The following KAZN variants were observed in gnomAD, a reference collection of about 807,000 sequenced individuals.
KAZN encodes the protein kazrin.
Under a neutral mutation model 87.4 loss-of-function variants are expected in KAZN, and 40 were observed. The observed-to-expected ratio is 0.46, with a 90% CI of 0.36 to 0.60. The LOEUF is 0.60. KAZN is among the 20% of genes least tolerant of loss of function. The pLI is 0.00. For missense variants in KAZN, 898 were observed against 1,073.9 expected, an observed-to-expected ratio of 0.84 and a Z score of 2.29; for synonymous variants, 466 against 458.3, an observed-to-expected ratio of 1.02 and a Z score of -0.22.
chr1:14,595,726 G>A (rs1676464289), upstream of KAZN, among the ~76,000 whole-genome samples: 1 of 150,476 alleles, frequency 6.6e-6, no homozygotes, highest in Non-Finnish European at 1.5e-5. Context: ...AAAAAAGAAA[G>A]GTAGACCTTT....
At chr1:14,049,437 G>A (rs909575957) in intron 1 of KAZN, among the ~76,000 whole-genome samples, 5 of 152,124 alleles carry the variant, frequency 3.3e-5, no homozygotes, top group Admixed American at 1.3e-4. Context: ...TGCACGTTGT[G>A]CACATGTACC....
chr1:13,999,174 T>G (rs1017261166), intron 1 of KAZN, among the ~76,000 whole-genome samples: 9 of 151,852 alleles, frequency 5.9e-5, no homozygotes, highest in African/African-American at 2.2e-4. Context: ...ATAGTGAAAC[T>G]CCATCTCTGC....
intron 13 of KAZN, among the ~76,000 whole-genome samples, chr1:15,110,070 T>C (rs1185265513): frequency 5.0e-4 from 1 of 2,020 alleles, no homozygotes; most frequent in East Asian, 0.071. Context: ...TGTGTGCCTG[T>C]GTGTGTATGT....
intron 1 of KAZN, among the ~76,000 whole-genome samples, chr1:14,128,899 A>G (rs1644931470): frequency 6.6e-6 from 1 of 152,184 alleles, no homozygotes. Flanking sequence ...TTTGGTTCAT[A>G]AAGCCCCGGT....
chr1:14,541,050 G>A (rs777408341), intron 2 of KAZN, among the ~76,000 whole-genome samples: 3 of 152,018 alleles, frequency 2.0e-5, no homozygotes, highest in South Asian at 2.1e-4. Context: ...AACAGACCCC[G>A]GCACAAATAT....
intron 2 of KAZN, among the ~76,000 whole-genome samples, chr1:14,421,560 G>A (rs16850229): frequency 0.032 from 4,821 of 152,208 alleles, 248 homozygotes; most frequent in African/African-American, 0.11. Context: ...GTGATTCTGA[G>A]ACATTGTGGG....
At chr1:14,567,211 G>A (rs1352003768) in intron 2 of KAZN, among the ~76,000 whole-genome samples, 1 of 152,128 alleles carries the variant, frequency 6.6e-6, no homozygotes, top group East Asian at 1.9e-4. Flanking sequence ...CAATATTGCT[G>A]TGGCTCAGGG....
At chr1:14,639,497 C>A (rs1680261411) in intron 1 of KAZN, among the ~76,000 whole-genome samples, 1 of 152,094 alleles carries the variant, frequency 6.6e-6, no homozygotes, top group Admixed American at 6.5e-5. Flanking sequence ...GGGACCATGG[C>A]CATAGACCTG....
At chr1:13,961,693 G>C (rs375450880) in intron 1 of KAZN, among the ~76,000 whole-genome samples, 9 of 152,268 alleles carry the variant, frequency 5.9e-5, no homozygotes, top group African/African-American at 2.2e-4. Context: ...CTTTGTTATA[G>C]TAGCCCACAG....
chr1:14,528,655 G>A (rs191630594), intron 2 of KAZN, among the ~76,000 whole-genome samples: 11 of 150,498 alleles, frequency 7.3e-5, no homozygotes, highest in African/African-American at 2.2e-4. Flanking sequence ...AGGTTGAAAC[G>A]GGAAGATCGC....
chr1:14,617,428 G>C (rs569545687), intron 1 of KAZN, among the ~76,000 whole-genome samples: 66 of 152,286 alleles, frequency 4.3e-4, no homozygotes, highest in African/African-American at 1.5e-3. Context: ...GCCAGAACAT[G>C]CTTTTGGGAA....
chr1:14,712,068 G>T (rs1316087657), intron 1 of KAZN, among the ~76,000 whole-genome samples: 1 of 152,208 alleles, frequency 6.6e-6, no homozygotes, highest in Non-Finnish European at 1.5e-5. Context: ...GGGAAGAAGA[G>T]TAGGGGATAA....
chr1:14,058,674 G>A (rs1344501064), intron 1 of KAZN, among the ~76,000 whole-genome samples: 1 of 152,174 alleles, frequency 6.6e-6, no homozygotes, highest in Admixed American at 6.5e-5. Context: ...GCAGCATTAT[G>A]TAAAACAAAT....
intron 2 of KAZN, among the ~76,000 whole-genome samples, chr1:15,034,516 C>T (rs1672056336): frequency 6.6e-6 from 1 of 152,178 alleles, no homozygotes; most frequent in Admixed American, 6.5e-5. Flanking sequence ...GCTCCCTGGT[C>T]AGATTGACAC....
intron 1 of KAZN, among the ~76,000 whole-genome samples, chr1:14,747,769 T>C (rs1225619837): frequency 6.6e-6 from 1 of 152,202 alleles, no homozygotes; most frequent in East Asian, 1.9e-4. Flanking sequence ...ATTTAACTTT[T>C]TGAGAAATTT....
At chr1:14,730,548 G>A (rs1260432979) in intron 1 of KAZN, among the ~76,000 whole-genome samples, 3 of 152,160 alleles carry the variant, frequency 2.0e-5, no homozygotes, top group Admixed American at 2.0e-4. Context: ...AGAGTCTCAT[G>A]TAATCTGCCT....
At chr1:14,398,606 C>G (rs747724212) in intron 2 of KAZN, among the ~76,000 whole-genome samples, 1 of 152,124 alleles carries the variant, frequency 6.6e-6, no homozygotes, top group Non-Finnish European at 1.5e-5. Flanking sequence ...GTTCTAAGCT[C>G]GTGTCTTCAG....
chr1:14,734,397 G>C (rs12119049), intron 1 of KAZN, among the ~76,000 whole-genome samples: 1 of 150,650 alleles, frequency 6.6e-6, no homozygotes, highest in Non-Finnish European at 1.5e-5. Context: ...TCCGCTTCCC[G>C]GGTTCAAGTG....
At chr1:14,961,172 C>T (rs1663814541) in intron 2 of KAZN, among the ~76,000 whole-genome samples, 1 of 152,222 alleles carries the variant, frequency 6.6e-6, no homozygotes, top group Non-Finnish European at 1.5e-5. Context: ...GACGCTGACC[C>T]AGCAGCCGAG....
Sources: allele counts gnomAD v4.1 joint callset (sites outside exome capture counted in the v4.1 genomes callset), GRCh38; gene constraint gnomAD v4.1.1; transcripts MANE v1.5; gene names NCBI Gene and HGNC (gene_info 2026-07-23, HGNC 2026-07-21).